Variants in TUFT1 observed in about 807,000 individuals in gnomAD.
TUFT1 encodes the protein tuftelin 1, also known as tuftelin.
In TUFT1, 43 loss-of-function variants were observed where a neutral mutation model predicts 57.8. The observed-to-expected ratio is 0.74, with a 90% CI of 0.58 to 0.96. TUFT1 has a LOEUF of 0.96. Among genes scored for constraint, TUFT1 ranks in the 40% least tolerant of loss-of-function variants. The probability of loss-of-function intolerance (pLI) is 0.00; values close to 1 mark genes in which losing one functional copy is unlikely to be tolerated. For synonymous variants in TUFT1, 166 were observed against 176.7 expected (o/e 0.94, Z 0.48); for missense variants, 459 against 489.0 (o/e 0.94, Z 0.58).
intron 11 of TUFT1, among the ~76,000 whole-genome samples, chr1:151,580,459 A>G (rs540167230): frequency 4.6e-5 from 7 of 152,168 alleles, no homozygotes; most frequent in African/African-American, 1.7e-4. Context: ...CCAGGAGTTC[A>G]AGACCTAGGC....
intron 1 of TUFT1, among the ~76,000 whole-genome samples, chr1:151,555,164 T>A (rs1048374041): frequency 6.7e-6 from 1 of 149,458 alleles, no homozygotes; most frequent in East Asian, 2.1e-4. Context: ...CATGTCTCTA[T>A]CAAAAATACA....
At chr1:151,547,935 A>T (rs1665391545) in intron 1 of TUFT1, among the ~76,000 whole-genome samples, 1 of 152,234 alleles carries the variant, frequency 6.6e-6, no homozygotes. Flanking sequence ...TTCACCTCAC[A>T]GTAACCCTGG....
At position 151,581,994 on chromosome 1, in the gene TUFT1, GCCTC is replaced by G. The variant is rs34536167; in HGVS notation, c.*291_*294del. On this transcript the variant is annotated 3_prime_UTR_variant, in exon 13 of 13. Coordinates refer to ENST00000368849, the MANE Select transcript of TUFT1 (RefSeq NM_020127.3). The stretch of plus-strand genomic sequence containing the variant: ...CAGTGACTATTTTTCTCTGTAGAGA[GCCTC>G]CCTTCTGTTGTAGACTGGACTCTGG... 0.05 allele frequency: 28,903 copies of G among 581,128 alleles called. 3,373 individuals are homozygous for G. Among genetic ancestry groups the G allele is most frequent in the East Asian group, 0.29 (7,944 of 27,246 alleles). The allele number at this position is 581,128 out of a possible 1,614,324, so 36.0% of individuals were successfully genotyped here.
At chr1:151,579,493 T>G (rs1028265532) in intron 10 of TUFT1, among the ~76,000 whole-genome samples, 156 bp from the exon 11 acceptor site, 1 of 151,942 alleles carries the variant, frequency 6.6e-6, no homozygotes, top group Non-Finnish European at 1.5e-5. Flanking sequence ...TAATCAAGAG[T>G]CTAATATTGA....
In TUFT1 at chr1:151,579,624, T is replaced by C. The variant is rs753135518; in HGVS notation, c.925-25T>C. ...TGTAATGAGTCATTGCAAAATGAGC[T>C]CCAGTGTCTCCCACACCTTTGCAGC... On this transcript the variant is annotated intron_variant, in intron 10 of 12. Coordinates refer to ENST00000368849, the MANE Select transcript of TUFT1 (RefSeq NM_020127.3). 1.1e-5 allele frequency: 17 copies of C among 1,612,960 alleles called. No homozygotes were observed. In the Admixed American group the frequency reaches 2.8e-4, roughly 27 times the overall value.
chr1:151,556,565 T>C (rs1468906335), intron 1 of TUFT1, among the ~76,000 whole-genome samples: 1 of 152,056 alleles, frequency 6.6e-6, no homozygotes, highest in Non-Finnish European at 1.5e-5. Context: ...CACAACACCA[T>C]GCCTGGATAA....
chr1:151,571,390 G>T (rs1666248218), intron 7 of TUFT1, among the ~76,000 whole-genome samples: 1 of 58,552 alleles, frequency 1.7e-5, no homozygotes. Context: ...ATATGTGAGG[G>T]CACTTTATTA....
intron 1 of TUFT1, chr1:151,540,649 C>T: frequency 1.8e-6 from 1 of 565,816 alleles, no homozygotes; most frequent in Middle Eastern, 4.7e-4. Context: ...CGTCCCTGCC[C>T]TTTGGTAGGA....
chr1:151,562,013 C>T, intron 1 of TUFT1, 78 bp from the exon 2 acceptor site: 1 of 1,505,942 alleles, frequency 6.6e-7, no homozygotes, highest in South Asian at 1.2e-5. Context: ...CTGGCAGAAG[C>T]ACCCCTGTAC....
At position 151,562,624 on chromosome 1, in the gene TUFT1, G is replaced by C. The variant is rs1434191513; in HGVS notation, c.175G>C (p.Ala59Pro). The change falls in exon 3 of 13, where the codon GCT becomes CCT. Residue 59 changes from alanine to proline, a missense_variant. Ala to Pro is a conservative substitution (Grantham distance 27, BLOSUM62 -1). Coordinates refer to ENST00000368849, the MANE Select transcript of TUFT1 (RefSeq NM_020127.3). ...KTYAMVSSHS[A>P]GHSLASELVE... ...CTATGCCATGGTGTCCAGCCACTCAGCTGGTCATTCTCTGGCTTCAGAACT... is the reference window on the plus strand; with the variant it reads ...CTATGCCATGGTGTCCAGCCACTCACCTGGTCATTCTCTGGCTTCAGAACT... The C allele has an allele frequency of 6.2e-7, 1 of 1,612,976 alleles. No homozygotes were observed. Among genetic ancestry groups the C allele is most frequent in the Non-Finnish European group, 8.5e-7 (1 of 1,180,002 alleles).
In TUFT1 at chr1:151,579,646, C is replaced by T; in HGVS notation, c.925-3C>T. 6.2e-7 allele frequency: 1 copy of T among 1,613,722 alleles called. No homozygotes were observed. Among genetic ancestry groups the T allele is most frequent in the African/African-American group, 1.3e-5 (1 of 75,016 alleles). Reference sequence around the variant, plus strand: ...AGCTCCAGTGTCTCCCACACCTTTGCAGCTCCAGAATTCAAAAGCTGTGAT... The same window carrying T: ...AGCTCCAGTGTCTCCCACACCTTTGTAGCTCCAGAATTCAAAAGCTGTGAT... On this transcript the variant is annotated splice_polypyrimidine_tract_variant and splice_region_variant and intron_variant, in intron 10 of 12. Transcript: ENST00000368849.
chr1:151,557,671 C>A, intron 1 of TUFT1: 1 of 901,554 alleles, frequency 1.1e-6, no homozygotes, highest in African/African-American at 1.6e-5. Flanking sequence ...TGAGGGCATC[C>A]AGTATCTCCG....
intron 1 of TUFT1, 173 bp downstream of exon 1, chr1:151,540,599 T>A: frequency 1.4e-6 from 1 of 699,234 alleles, no homozygotes; most frequent in Non-Finnish European, 2.4e-6. Flanking sequence ...GCAGTGGGAG[T>A]CGCGGGGTGA....
chr1:151,581,075 G>T, intron 12 of TUFT1, 33 bp downstream of exon 12: 1 of 1,585,588 alleles, frequency 6.3e-7, no homozygotes, highest in South Asian at 1.1e-5. Flanking sequence ...AATGGGGCCA[G>T]GGAGGAGGGG....
intron 1 of TUFT1, among the ~76,000 whole-genome samples, chr1:151,558,995 G>A (rs956595533): frequency 1.7e-4 from 26 of 152,014 alleles, no homozygotes; most frequent in Non-Finnish European, 3.5e-4. Context: ...ATGTTGGCCA[G>A]GCTGGTCTCA....
rs1318184007 is a variant in TUFT1 at position 151,562,705 on chromosome 1, C to T, written c.237+19C>T. ...CATTAAGGTAAGCTTAGTTCACCTCCAACTTTTCTCCCTGTCCTCTTCCTC... is the reference window on the plus strand; with the variant it reads ...CATTAAGGTAAGCTTAGTTCACCTCTAACTTTTCTCCCTGTCCTCTTCCTC... On this transcript the variant is annotated intron_variant, in intron 3 of 12. Coordinates refer to ENST00000368849, the MANE Select transcript of TUFT1 (RefSeq NM_020127.3). The T allele has an allele frequency of 6.3e-7, 1 of 1,593,256 alleles. No individual in the cohort carries two copies. The highest frequency in any genetic ancestry group is 2.2e-5 in the East Asian group (1 of 44,762).
intron 3 of TUFT1, 128 bp from the exon 4 acceptor site, chr1:151,563,776 A>G (rs1249402844): frequency 1.3e-6 from 1 of 774,408 alleles, no homozygotes; most frequent in Non-Finnish European, 2.2e-6. Flanking sequence ...TCTGATCCGA[A>G]TCACCAAATT....
intron 1 of TUFT1, among the ~76,000 whole-genome samples, chr1:151,543,562 G>A (rs755780653): frequency 6.6e-6 from 1 of 152,102 alleles, no homozygotes; most frequent in Non-Finnish European, 1.5e-5. Context: ...AAGCAGATGA[G>A]GAAATTATTA....
chr1:151,562,761 GT>G, intron 3 of TUFT1, 75 bp downstream of exon 3: 3 of 1,313,932 alleles, frequency 2.3e-6, no homozygotes, highest in Non-Finnish European at 3.3e-6. Flanking sequence ...AGCAGTTGAT[GT>G]TGTTGCCAAA....
Sources: allele counts gnomAD v4.1 joint callset (sites outside exome capture counted in the v4.1 genomes callset), GRCh38; gene constraint gnomAD v4.1.1; transcripts MANE v1.5; gene names NCBI Gene and HGNC (gene_info 2026-07-23, HGNC 2026-07-21).